The following GRIP2 variants were observed in gnomAD, a reference collection of about 807,000 sequenced individuals.
The protein encoded by GRIP2 is glutamate receptor-interacting protein 2.
GRIP2 carries 58 observed loss-of-function variants against 108.3 expected under a neutral mutation model. The observed-to-expected ratio is 0.54, with a 90% CI of 0.43 to 0.67. The LOEUF (loss-of-function observed/expected upper bound fraction) is 0.67, where lower values mean the gene tolerates loss of function less well. Ranked by LOEUF, GRIP2 falls within the 30% of genes least tolerant of loss-of-function variation. The pLI, the probability that GRIP2 is intolerant of heterozygous loss-of-function variation, is 0.00. For missense variants in GRIP2, 1,278 were observed against 1,430.6 expected, an observed-to-expected ratio of 0.89 and a Z score of 1.72; for synonymous variants, 586 against 598.2, an observed-to-expected ratio of 0.98 and a Z score of 0.30.
chr3:14,554,042 G>A (rs1034803262), intron 1 of GRIP2, among the ~76,000 whole-genome samples: 1 of 152,110 alleles, frequency 6.6e-6, no homozygotes, highest in African/African-American at 2.4e-5. Context: ...GTGTGCATGG[G>A]GAGAGGAAGG....
At chr3:14,496,714 G>C (rs1030650244) in intron 21 of GRIP2, among the ~76,000 whole-genome samples, 154 bp from the exon 22 acceptor site, 3 of 152,258 alleles carry the variant, frequency 2.0e-5, no homozygotes, top group Non-Finnish European at 4.4e-5. Context: ...TCCAACAGCG[G>C]TGGAGTGGGA....
At chr3:14,517,491 T>TCC in intron 10 of GRIP2, among the ~76,000 whole-genome samples, 1 of 111,482 alleles carries the variant, frequency 9.0e-6, no homozygotes, top group African/African-American at 4.1e-5. Context: ...CTAATCTCTC[T>TCC]CTCTTTTTTT....
chr3:14,496,519 C>T lies in GRIP2; in HGVS notation c.2721G>A (p.Glu907=), dbSNP rs774434239. 5 of 1,612,744 alleles carry T rather than the reference C, an allele frequency of 3.1e-6. No homozygotes were observed. The East Asian group carries it at 6.7e-5, about 22-fold the overall frequency. Residue 907 remains glutamate (E), a synonymous_variant, in exon 22 of 24, where the codon GAG becomes GAA. Transcript: ENST00000621039. The stretch of plus-strand genomic sequence containing the variant: ...GCCAAGGCCGGTGGCCAGGCCTGCC[C>T]TCGAGGGCCACCCTCTGCACGGTGC... ...MTGTVQRVAL[E]GRPGHRPWQR...
the GRIP2 span, among the ~76,000 whole-genome samples, chr3:14,600,359 C>T: frequency 2.6e-5 from 4 of 152,184 alleles, no homozygotes; most frequent in South Asian, 2.1e-4. Context: ...GACCACCCCG[C>T]GAGGCTGCCC....
the GRIP2 span, chr3:14,573,321 C>A: frequency 1.1e-5 from 16 of 1,411,898 alleles, no homozygotes; most frequent in Non-Finnish European, 1.5e-5. Context: ...AGTGACACCA[C>A]TCAGCAGGTA....
chr3:14,544,620 C>G (rs1695029820), upstream of GRIP2, among the ~76,000 whole-genome samples: 1 of 152,160 alleles, frequency 6.6e-6, no homozygotes, highest in African/African-American at 2.4e-5. Flanking sequence ...AATGGCAATT[C>G]AAGGACAAGA....
chr3:14,583,891 C>T, the GRIP2 span, among the ~76,000 whole-genome samples: 1 of 152,196 alleles, frequency 6.6e-6, no homozygotes. Flanking sequence ...ACCAGCAAAG[C>T]CCAAACCCTG....
At chr3:14,563,519 G>A in the GRIP2 span, among the ~76,000 whole-genome samples, 7 of 152,200 alleles carry the variant, frequency 4.6e-5, no homozygotes, top group East Asian at 1.4e-3. Context: ...GGCCTGGAGG[G>A]TCCGAGGAAG....
In GRIP2 at chr3:14,514,620, T is replaced by A. The variant is rs73132010; in HGVS notation, c.1307-142A>T. Reference sequence around the variant, plus strand: ...CTGACTCAGTCTGGGACCAGACAGATCACAGCTCACTCTGAGCCTTGGCTT... The same window carrying A: ...CTGACTCAGTCTGGGACCAGACAGAACACAGCTCACTCTGAGCCTTGGCTT... On this transcript the variant is annotated intron_variant, in intron 11 of 23. Transcript: ENST00000621039. 9.6e-3 allele frequency: 7,195 copies of A among 753,360 alleles called. 285 individuals are homozygous for A. The highest frequency in any genetic ancestry group is 0.095 in the African/African-American group (5,308 of 55,770). The allele number at this position is 753,360 out of a possible 1,614,324, so 46.7% of individuals were successfully genotyped here. A position where few individuals can be genotyped will look rare whatever the true frequency, so the allele number is the denominator to read the frequency against.
rs1694501249 is a variant in GRIP2 at position 14,524,514 on chromosome 3, G to A, written c.282C>T (p.Asp94=). The A allele has an allele frequency of 6.4e-7, 1 of 1,554,940 alleles. No individual in the cohort carries two copies. The highest frequency in any genetic ancestry group is 8.7e-7 in the Non-Finnish European group (1 of 1,148,934). Residue 94 remains aspartate (D), a synonymous_variant, in exon 4 of 24, where the codon GAC becomes GAT. Coordinates refer to ENST00000621039, the MANE Select transcript of GRIP2 (RefSeq NM_001080423.4). ...AARSDLLNIG[D]YIRSVNGIHL... Reference sequence around the variant, plus strand: ...GGATCCCGTTCACAGACCGAATATAGTCACCAATGTTCAGCAGATCACTCC... The same window carrying A: ...GGATCCCGTTCACAGACCGAATATAATCACCAATGTTCAGCAGATCACTCC...
chr3:14,536,664 C>CG (rs895661260), intron 1 of GRIP2, among the ~76,000 whole-genome samples: 3 of 152,308 alleles, frequency 2.0e-5, no homozygotes, highest in South Asian at 2.1e-4. Flanking sequence ...CATGGGAGAG[C>CG]GGGGGCGCAG....
intron 1 of GRIP2, among the ~76,000 whole-genome samples, chr3:14,529,380 C>T (rs4685180): frequency 0.41 from 62,801 of 151,902 alleles, 14,178 homozygotes; most frequent in South Asian, 0.61. Flanking sequence ...AGTATTTAGC[C>T]CATTTATTTT....
chr3:14,502,976 G>C (rs1693807136), intron 21 of GRIP2, among the ~76,000 whole-genome samples: 1 of 152,182 alleles, frequency 6.6e-6, no homozygotes, highest in Non-Finnish European at 1.5e-5. Flanking sequence ...TCTCAGAGTG[G>C]AAGCTTGGGA....
chr3:14,531,849 C>T (rs1163103596), intron 1 of GRIP2, among the ~76,000 whole-genome samples: 3 of 152,172 alleles, frequency 2.0e-5, no homozygotes, highest in African/African-American at 4.8e-5. Flanking sequence ...TGGGCTGACA[C>T]GGGCAAGAAC....
upstream of GRIP2, among the ~76,000 whole-genome samples, chr3:14,546,178 C>G (rs1012073542): frequency 3.9e-5 from 6 of 152,104 alleles, no homozygotes; most frequent in Admixed American, 3.9e-4. Context: ...CTGCCTGGAG[C>G]TGGATGAGAA....
chr3:14,519,390 T>C (rs1694344213), intron 9 of GRIP2, among the ~76,000 whole-genome samples: 1 of 152,246 alleles, frequency 6.6e-6, no homozygotes, highest in Admixed American at 6.5e-5. Flanking sequence ...CCTTGTCCTT[T>C]ATCTCCGTCA....
intron 11 of GRIP2, among the ~76,000 whole-genome samples, chr3:14,516,441 C>A (rs1389660001): frequency 6.6e-6 from 1 of 152,190 alleles, no homozygotes; most frequent in East Asian, 1.9e-4. Context: ...AGAAGGGTTT[C>A]AAAATTTTAG....
At position 14,497,833 on chromosome 3, in the gene GRIP2, C is replaced by T. The variant is rs142909122; in HGVS notation, c.2680-1273G>A. Among the ~76,000 whole-genome samples the T allele has an allele frequency of 3.2e-4, 49 of 152,240 alleles. 2 individuals carry two copies. In the East Asian group the frequency reaches 9.5e-3, roughly 29 times the overall value. ...AAGGAGAGAAGGAGTGGAGTTAGAA[C>T]GGGCTCAGGAAGTGAGGGCTGAGCA... On this transcript the variant is annotated intron_variant, in intron 21 of 23. Transcript: ENST00000621039.
chr3:14,569,511 G>T, the GRIP2 span, among the ~76,000 whole-genome samples: 1 of 152,180 alleles, frequency 6.6e-6, no homozygotes, highest in Non-Finnish European at 1.5e-5. Flanking sequence ...GAGCCCTGCT[G>T]GGCCACGCAT....
Sources: gnomAD v4.1 joint callset for allele counts (sites outside exome capture counted in the v4.1 genomes callset) on GRCh38, gnomAD v4.1.1 for gene constraint, MANE v1.5 for transcripts, NCBI Gene and HGNC (gene_info 2026-07-23, HGNC 2026-07-21) for gene names.